TOGARAM2: variants seen among roughly 807,000 people sequenced by gnomAD.
TOGARAM2 encodes TOG array regulator of axonemal microtubules protein 2.
Under a neutral mutation model 93.3 loss-of-function variants are expected in TOGARAM2, and 85 were observed. That is an observed-to-expected ratio of 0.91 (90% CI 0.76 to 1.09). The LOEUF is 1.09. Ranked by LOEUF, TOGARAM2 falls within the 50% of genes least tolerant of loss-of-function variation. The pLI, the probability that TOGARAM2 is intolerant of heterozygous loss-of-function variation, is 0.00. For synonymous variants in TOGARAM2, 593 were observed against 552.8 expected (o/e 1.07, Z -1.02); for missense variants, 1,277 against 1,334.5 (o/e 0.96, Z 0.67).
rs183858603 is a variant in TOGARAM2 at position 29,052,114 on chromosome 2, A to G, written c.*21A>G. 1.6e-4 allele frequency: 248 copies of G among 1,507,612 alleles called. 1 individual carries two copies. The highest frequency in any genetic ancestry group is 6.1e-4 in the Admixed American group (27 of 44,234). The allele number at this position is 1,507,612 out of a possible 1,614,324, so 93.4% of individuals were successfully genotyped here. On this transcript the variant is annotated 3_prime_UTR_variant, in exon 20 of 20. Transcript: ENST00000379558. ...ATTAAAGATGGATCTGAAATGGGCA[A>G]TTATTATTTATCTTATTTTTTTGAT...
intron 17 of TOGARAM2, among the ~76,000 whole-genome samples, chr2:29,036,012 C>T (rs1283811086): frequency 6.6e-6 from 1 of 151,928 alleles, no homozygotes. Flanking sequence ...GATGGCTGGA[C>T]AGGTGTGTTA....
intron 1 of TOGARAM2, among the ~76,000 whole-genome samples, chr2:28,985,539 A>G (rs1327138077): frequency 6.6e-6 from 1 of 152,150 alleles, no homozygotes; most frequent in Non-Finnish European, 1.5e-5. Context: ...AAATTCTGTT[A>G]AATTACTAGA....
intron 4 of TOGARAM2, among the ~76,000 whole-genome samples, chr2:29,000,734 C>T (rs949397736): frequency 7.2e-5 from 11 of 152,130 alleles, no homozygotes; most frequent in African/African-American, 2.4e-4. Flanking sequence ...TGAGCCTCTC[C>T]CTGGAGCCGT....
At chr2:29,020,254 T>A (rs1177904252) in intron 10 of TOGARAM2, among the ~76,000 whole-genome samples, 1 of 152,148 alleles carries the variant, frequency 6.6e-6, no homozygotes, top group Non-Finnish European at 1.5e-5. Flanking sequence ...GGTTACAGAT[T>A]GGGAATGGAT....
chr2:28,978,910 G>A (rs576489597), upstream of TOGARAM2, among the ~76,000 whole-genome samples: 2 of 152,216 alleles, frequency 1.3e-5, no homozygotes, highest in Admixed American at 1.3e-4. Context: ...ACCAGGGGTC[G>A]ATACAGGCTT....
intron 1 of TOGARAM2, among the ~76,000 whole-genome samples, chr2:28,991,672 C>T (rs921614581): frequency 1.3e-5 from 2 of 152,172 alleles, no homozygotes; most frequent in Admixed American, 1.3e-4. Context: ...GGGCGTGGAG[C>T]TGCACGCTCC....
chr2:29,031,673 A>G (rs1206921789), intron 14 of TOGARAM2, among the ~76,000 whole-genome samples: 2 of 152,220 alleles, frequency 1.3e-5, no homozygotes, highest in East Asian at 3.8e-4. Flanking sequence ...TTTTTTGCAA[A>G]GCAATCACTA....
intron 14 of TOGARAM2, among the ~76,000 whole-genome samples, chr2:29,027,231 C>T (rs1450663367): frequency 6.6e-6 from 1 of 152,196 alleles, no homozygotes; most frequent in African/African-American, 2.4e-5. Flanking sequence ...TCTGGTCTTC[C>T]ATTTCCCCTC....
intron 16 of TOGARAM2, among the ~76,000 whole-genome samples, chr2:29,034,878 G>A (rs1343205506): frequency 2.6e-5 from 4 of 152,184 alleles, no homozygotes; most frequent in African/African-American, 4.8e-5. Context: ...TTGGCCAGGT[G>A]CAGTGGCTCA....
chr2:29,007,991 G>A (rs1230861926), intron 6 of TOGARAM2, among the ~76,000 whole-genome samples: 1 of 151,988 alleles, frequency 6.6e-6, no homozygotes, highest in Non-Finnish European at 1.5e-5. Context: ...TCCCTTTAAA[G>A]GGCGGCAAGG....
chr2:28,983,485 G>C (rs1220158141), intron 1 of TOGARAM2, among the ~76,000 whole-genome samples: 4 of 151,964 alleles, frequency 2.6e-5, no homozygotes, highest in African/African-American at 9.7e-5. Context: ...GTGTTGAGTG[G>C]GGCAGTCGTT....
chr2:28,962,927 A>G lies in TOGARAM2; in HGVS notation c.-147+6230A>G, dbSNP rs183061701. On this transcript the variant is annotated intron_variant, in intron 1 of 6. Transcript: ENST00000401723. ...AGCCCGGATCTCCTGGGCTCAAGTGATCCTCCCACCTTAGCCTCCTGAGTA... is the reference window on the plus strand; with the variant it reads ...AGCCCGGATCTCCTGGGCTCAAGTGGTCCTCCCACCTTAGCCTCCTGAGTA... Among the ~76,000 whole-genome samples, 4 of 151,612 alleles carry G rather than the reference A, an allele frequency of 2.6e-5. No homozygotes were observed. In the East Asian group the frequency reaches 7.8e-4, roughly 30 times the overall value.
In TOGARAM2 at chr2:29,024,219, GGA is replaced by G; in HGVS notation, c.1699_1700del (p.Asp567ProfsTer63). The G allele has an allele frequency of 1.9e-6, 3 of 1,608,452 alleles. No homozygotes were observed. The highest frequency in any genetic ancestry group is 2.5e-6 in the Non-Finnish European group (3 of 1,177,324). On this transcript the variant is annotated frameshift_variant, in exon 13 of 20. Coordinates refer to ENST00000379558, the MANE Select transcript of TOGARAM2 (RefSeq NM_199280.4). LOFTEE classifies it high-confidence loss of function. Reference sequence around the variant, plus strand: ...TCTTCCAGGCCTTGAAGAAGAATATGGACCAGGAGGCCGAGGAGATCGCCCGC... The same window carrying G: ...TCTTCCAGGCCTTGAAGAAGAATATGCCAGGAGGCCGAGGAGATCGCCCGC... ...DLFQALKKNMDQEAEEIARCL... is the reference protein window; with the variant it reads ...DLFQALKKNMXQEAEEIARCL...
intron 12 of TOGARAM2, 52 bp downstream of exon 12, chr2:29,023,243 G>C: frequency 6.9e-7 from 1 of 1,439,268 alleles, no homozygotes; most frequent in Non-Finnish European, 9.5e-7. Flanking sequence ...GCAGCTGCTG[G>C]ATGCAGTCCG....
intron 18 of TOGARAM2, among the ~76,000 whole-genome samples, chr2:29,042,810 C>T (rs1219707702): frequency 6.6e-6 from 1 of 152,238 alleles, no homozygotes; most frequent in Non-Finnish European, 1.5e-5. Flanking sequence ...CACACACAAG[C>T]CTGCACAGTG....
At chr2:28,984,546 C>T (rs943463871) in intron 1 of TOGARAM2, among the ~76,000 whole-genome samples, 1 of 152,222 alleles carries the variant, frequency 6.6e-6, no homozygotes, top group African/African-American at 2.4e-5. Flanking sequence ...CCTCTGAGTA[C>T]ATGTGCTTGT....
chr2:29,012,317 G>A (rs1435264242), intron 7 of TOGARAM2, among the ~76,000 whole-genome samples: 1 of 152,202 alleles, frequency 6.6e-6, no homozygotes, highest in African/African-American at 2.4e-5. Flanking sequence ...CTCAGCTGGT[G>A]GGGCAGTTGG....
At chr2:29,040,018 G>A (rs1431195892) in intron 18 of TOGARAM2, among the ~76,000 whole-genome samples, 4 of 152,082 alleles carry the variant, frequency 2.6e-5, no homozygotes, top group Non-Finnish European at 5.9e-5. Context: ...GTGGCTTCAG[G>A]TCTACTTTTG....
chr2:29,035,502 C>A lies in TOGARAM2; in HGVS notation c.2264C>A (p.Ser755Tyr). 1 of 1,514,940 alleles carries A rather than the reference C, an allele frequency of 6.6e-7. No homozygotes were observed. 93.8% of individuals were successfully genotyped at this position (1,514,940 alleles called of 1,614,324 possible). ...CNGPRLVGLRSTLQGRGEMVE... is the reference protein window; with the variant it reads ...CNGPRLVGLRYTLQGRGEMVE... ...GGCCCAAGGCTGGTGGGGCTGCGCT[C>A]CACACTGCAGGGCCGCGGGGAGATG... is the stretch of plus-strand genomic sequence containing the variant. The change falls in exon 17 of 20, where the codon TCC (serine) becomes TAC (tyrosine). Residue 755 changes from serine (S) to tyrosine (Y), a missense_variant. Physicochemically the swap from Ser to Tyr is moderately radical, Grantham distance 144. Transcript: ENST00000379558.
Sources: allele counts gnomAD v4.1 joint callset (sites outside exome capture counted in the v4.1 genomes callset), GRCh38; gene constraint gnomAD v4.1.1; transcripts MANE v1.5; gene names NCBI Gene and HGNC (gene_info 2026-07-23, HGNC 2026-07-21).